Variants in SEM1 observed in about 807,000 individuals in gnomAD.
SEM1 encodes the protein 26S proteasome complex subunit SEM1.
Under a neutral mutation model 12.7 loss-of-function variants are expected in SEM1, and 3 were observed. The ratio of observed to expected loss-of-function variants is 0.24; its 90% CI spans 0.11 to 0.61. The LOEUF (loss-of-function observed/expected upper bound fraction) is 0.61, where lower values mean the gene tolerates loss of function less well. Among genes scored for constraint, SEM1 ranks in the 20% least tolerant of loss-of-function variants. SEM1 has a pLI of 0.88. For missense variants in SEM1, 59 were observed against 81.3 expected (o/e 0.73, Z 1.06); for synonymous variants, 30 against 27.8 (o/e 1.08, Z -0.25).
At chr7:96,519,672 G>A (rs1286912692) in intron 2 of SEM1, among the ~76,000 whole-genome samples, 2 of 152,036 alleles carry the variant, frequency 1.3e-5, no homozygotes, top group African/African-American at 4.8e-5. Context: ...CCACATAGCT[G>A]AGATTTTGAA....
At chr7:96,502,821 A>G (rs1372816420) in intron 3 of SEM1, among the ~76,000 whole-genome samples, 2 of 152,212 alleles carry the variant, frequency 1.3e-5, no homozygotes, top group African/African-American at 2.4e-5. Context: ...GGCACTGGCC[A>G]TCTTGTTCTG....
intron 2 of SEM1, among the ~76,000 whole-genome samples, chr7:96,643,278 G>T (rs1193134092): frequency 1.3e-5 from 2 of 152,092 alleles, no homozygotes; most frequent in Non-Finnish European, 2.9e-5. Context: ...CAAAGGGCAT[G>T]ATCTCATTCT....
At position 96,658,504 on chromosome 7, in the gene SEM1, G is replaced by A. The variant is rs537157891; in HGVS notation, c.171-35861C>T. Among the ~76,000 whole-genome samples, 5 of 146,546 alleles carry A rather than the reference G, an allele frequency of 3.4e-5. No homozygotes were observed. The East Asian group carries it at 7.7e-4, about 23-fold the overall frequency. On this transcript the variant is annotated intron_variant, in intron 2 of 2. Coordinates refer to the SEM1 transcript ENST00000417009. ...GACCAATTAATTTGTTTTTCTATAA[G>A]CTTCTCTGAGAAAGAGTGCAAGTAG...
chr7:96,559,054 G>C (rs893325519), intron 2 of SEM1, among the ~76,000 whole-genome samples: 1 of 152,158 alleles, frequency 6.6e-6, no homozygotes, highest in African/African-American at 2.4e-5. Context: ...CACAGAGCTA[G>C]CTACTATGCT....
At position 96,488,549 on chromosome 7, in the gene SEM1, G is replaced by A. The variant is rs1802862537; in HGVS notation, c.13-2132C>T. On this transcript the variant is annotated intron_variant, in intron 1 of 3. Transcript: ENST00000356686. ...CAATGCAAGCAACTTGAGAAAGAAT[G>A]TTATCAATGCTGCCAGGGAAGCCTT... Among the ~76,000 whole-genome samples, 3 of 152,082 alleles carry A rather than the reference G, an allele frequency of 2.0e-5. No individual in the cohort carries two copies. The South Asian group carries it at 6.2e-4, about 32-fold the overall frequency.
At chr7:96,576,827 A>T (rs1450850825) in intron 2 of SEM1, among the ~76,000 whole-genome samples, 1 of 152,162 alleles carries the variant, frequency 6.6e-6, no homozygotes, top group African/African-American at 2.4e-5. Flanking sequence ...ATTAGAAATG[A>T]TGGATACAGG....
chr7:96,556,567 G>A (rs1199056288), intron 2 of SEM1, among the ~76,000 whole-genome samples: 1 of 151,942 alleles, frequency 6.6e-6, no homozygotes, highest in Non-Finnish European at 1.5e-5. Flanking sequence ...TCCGCTGTTA[G>A]TCTGATGGGC....
At chr7:96,489,780 C>T (rs138196828) in intron 1 of SEM1, among the ~76,000 whole-genome samples, 1,613 of 152,296 alleles carry the variant, frequency 0.011, 30 homozygotes, top group African/African-American at 0.037. Flanking sequence ...AATTGTATCA[C>T]TCTAGTCTCT....
chr7:96,498,191 A>G (rs961503908), upstream of SEM1, among the ~76,000 whole-genome samples: 1 of 152,218 alleles, frequency 6.6e-6, no homozygotes, highest in African/African-American at 2.4e-5. Context: ...ACTTGAAACC[A>G]CATGGCCCGC....
intron 2 of SEM1, among the ~76,000 whole-genome samples, chr7:96,585,300 C>T (rs1387609584): frequency 6.6e-6 from 1 of 152,176 alleles, no homozygotes; most frequent in Non-Finnish European, 1.5e-5. Context: ...GGGTCAGGGA[C>T]CCATTGAGGA....
chr7:96,584,982 T>C (rs1057227432), intron 2 of SEM1, among the ~76,000 whole-genome samples: 4 of 151,656 alleles, frequency 2.6e-5, no homozygotes, highest in African/African-American at 9.7e-5. Flanking sequence ...AAAGTCATTC[T>C]CCATCCAGCT....
At chr7:96,611,862 G>T (rs1248462599) in intron 2 of SEM1, among the ~76,000 whole-genome samples, 1 of 151,952 alleles carries the variant, frequency 6.6e-6, no homozygotes, top group Non-Finnish European at 1.5e-5. Flanking sequence ...TACATGACTG[G>T]GTCCCTAAGC....
At chr7:96,526,481 A>T (rs1563046507) in intron 2 of SEM1, among the ~76,000 whole-genome samples, 1 of 152,104 alleles carries the variant, frequency 6.6e-6, no homozygotes, top group East Asian at 1.9e-4. Context: ...GTGCTCAATG[A>T]AGACCACCAC....
intron 2 of SEM1, among the ~76,000 whole-genome samples, chr7:96,595,157 G>A (rs373252072): frequency 1.3e-5 from 2 of 151,882 alleles, no homozygotes; most frequent in African/African-American, 4.8e-5. Flanking sequence ...TCTCAAACTA[G>A]GTAATATTTT....
At chr7:96,650,274 C>T (rs981922159) in intron 2 of SEM1, 20 of 451,100 alleles carry the variant, frequency 4.4e-5, no homozygotes, top group South Asian at 3.0e-4. Flanking sequence ...TGGGAAATTC[C>T]GCTGCACAAG....
At chr7:96,602,558 C>A (rs528826306) in intron 2 of SEM1, among the ~76,000 whole-genome samples, 1 of 152,286 alleles carries the variant, frequency 6.6e-6, no homozygotes, top group East Asian at 1.9e-4. Flanking sequence ...TGGTATATGC[C>A]CATGCATATA....
intron 3 of SEM1, among the ~76,000 whole-genome samples, chr7:96,501,436 T>TCA (rs146774050): frequency 0.087 from 13,163 of 151,944 alleles, 725 homozygotes; most frequent in South Asian, 0.18. Flanking sequence ...TATAGACCTT[T>TCA]CACACACACA....
At chr7:96,520,524 C>T (rs1333856718) in intron 2 of SEM1, among the ~76,000 whole-genome samples, 1 of 152,070 alleles carries the variant, frequency 6.6e-6, no homozygotes, top group Non-Finnish European at 1.5e-5. Flanking sequence ...TGAAAATAAT[C>T]TGCATTTTCA....
intron 2 of SEM1, among the ~76,000 whole-genome samples, 191 bp from the exon 3 acceptor site, chr7:96,689,157 A>C (rs992240288): frequency 1.1e-4 from 17 of 152,204 alleles, no homozygotes; most frequent in Non-Finnish European, 2.4e-4. Flanking sequence ...AATACTATAA[A>C]ATTTTGTTTT....
Sources: allele counts gnomAD v4.1 joint callset (sites outside exome capture counted in the v4.1 genomes callset), GRCh38; gene constraint gnomAD v4.1.1; transcripts MANE v1.5; gene names NCBI Gene and HGNC (gene_info 2026-07-23, HGNC 2026-07-21).